GNG7: variants seen among roughly 807,000 people sequenced by gnomAD.
GNG7 encodes the protein G protein subunit gamma 7.
GNG7 carries 1 observed loss-of-function variant against 4.0 expected under a neutral mutation model. The ratio of observed to expected loss-of-function variants is 0.25; its 90% CI spans 0.09 to 1.18. GNG7 has a LOEUF of 1.18. Ranked by LOEUF, GNG7 falls within the 50% of genes most tolerant of loss-of-function variation. The pLI, the probability that GNG7 is intolerant of heterozygous loss-of-function variation, is 0.50. For missense variants in GNG7, 86 were observed against 91.9 expected (o/e 0.94, Z 0.26); for synonymous variants, 34 against 36.9 (o/e 0.92, Z 0.29).
Position 2,514,189 on chromosome 19 carries a change from CTCCATCTCAAAAA to C in GNG7, c.*820_*832del, listed in dbSNP as rs1972694464. 1 of 145,378 alleles carries C rather than the reference CTCCATCTCAAAAA, an allele frequency of 6.9e-6. No homozygotes were observed. The highest frequency in any genetic ancestry group is 2.6e-5 in the African/African-American group (1 of 38,928). 9.0% of individuals were successfully genotyped at this position (145,378 alleles called of 1,614,324 possible). On this transcript the variant is annotated 3_prime_UTR_variant, in exon 5 of 5. Transcript: ENST00000382159. ...TCCAGCCTGGGTAACAAGAATGAAA[CTCCATCTCAAAAA>C]AAGAAAAAAAAAAAAAATCCAAAAA...
intron 2 of GNG7, among the ~76,000 whole-genome samples, chr19:2,575,769 A>T (rs1980306240): frequency 7.7e-6 from 1 of 129,500 alleles, no homozygotes; most frequent in African/African-American, 3.3e-5. Flanking sequence ...ACGCAGGCAC[A>T]CGCAGGCACA....
At chr19:2,631,582 T>A (rs1568268089) in intron 2 of GNG7, among the ~76,000 whole-genome samples, 2 of 152,186 alleles carry the variant, frequency 1.3e-5, no homozygotes, top group Admixed American at 6.5e-5. Context: ...ACCTGCAGTA[T>A]GTCTGTGGCT....
intron 3 of GNG7, among the ~76,000 whole-genome samples, chr19:2,547,786 G>C (rs140595146): frequency 2.0e-5 from 3 of 152,218 alleles, no homozygotes; most frequent in Non-Finnish European, 2.9e-5. Context: ...TCCCAGGGCC[G>C]ATCTCCTTCC....
At chr19:2,552,973 A>G (rs1053671833) in intron 3 of GNG7, among the ~76,000 whole-genome samples, 26 of 151,580 alleles carry the variant, frequency 1.7e-4, no homozygotes, top group Non-Finnish European at 3.7e-4. Flanking sequence ...GGCAGCCCCA[A>G]GCCAGCAGGA....
chr19:2,653,862 G>A lies in GNG7; in HGVS notation c.-134-7582C>T, dbSNP rs972031049. 1.3e-5 allele frequency among the ~76,000 whole-genome samples: 2 copies of A among 152,154 alleles called. No individual in the cohort carries two copies. The highest frequency in any genetic ancestry group is 2.1e-4 in the South Asian group (1 of 4,820). On this transcript the variant is annotated intron_variant, in intron 1 of 4. Transcript: ENST00000382159. This position sits in a 1 kb window ranked among gnomAD's most constrained non-coding sequence, Gnocchi z 4.8. ...ACAGTCCCCTTGGCACCACCCAGGCGCTGTCCCTGGCCTCGCCCATGGCTA... is the reference window on the plus strand; with the variant it reads ...ACAGTCCCCTTGGCACCACCCAGGCACTGTCCCTGGCCTCGCCCATGGCTA...
At chr19:2,597,529 G>A (rs1380452561) in intron 2 of GNG7, among the ~76,000 whole-genome samples, 4 of 146,862 alleles carry the variant, frequency 2.7e-5, no homozygotes, top group South Asian at 2.2e-4. Flanking sequence ...CCCAGGAGGT[G>A]GAGGTTGCAG....
At chr19:2,517,521 C>G (rs190196325) in intron 4 of GNG7, among the ~76,000 whole-genome samples, 1 of 152,036 alleles carries the variant, frequency 6.6e-6, no homozygotes, top group Non-Finnish European at 1.5e-5. Flanking sequence ...CACGCCACCA[C>G]GCCAGGGTAA....
intron 2 of GNG7, among the ~76,000 whole-genome samples, chr19:2,560,004 G>A (rs1328636530): frequency 6.6e-6 from 1 of 152,058 alleles, no homozygotes; most frequent in African/African-American, 2.4e-5. Flanking sequence ...GCACAAAAAC[G>A]CAAACCCCGA....
chr19:2,604,816 C>T (rs565574582), intron 2 of GNG7, among the ~76,000 whole-genome samples: 29 of 152,146 alleles, frequency 1.9e-4, no homozygotes, highest in African/African-American at 6.3e-4. Flanking sequence ...AGGGCAGTGG[C>T]GAGAAGGAAA....
intron 1 of GNG7, among the ~76,000 whole-genome samples, chr19:2,652,991 G>T (rs1401372378): frequency 6.6e-6 from 1 of 151,808 alleles, no homozygotes; most frequent in African/African-American, 2.4e-5. Context: ...GCTGGGCATG[G>T]TGGCTCCAGG....
chr19:2,546,273 GACCCTGCACCCAGCGTGGGCACCC>G lies in GNG7; in HGVS notation c.-38+8852_-38+8875del. On this transcript the variant is annotated intron_variant, in intron 3 of 4. Coordinates refer to ENST00000382159, the MANE Select transcript of GNG7 (RefSeq NM_052847.3). The surrounding 1 kb of genome is among the most constrained non-coding windows in gnomAD (Gnocchi z 6.3). ...TCAGCAACCAGGGTCTGCATGCAGAGACCCTGCACCCAGCGTGGGCACCCACCCTGCACCTGCAGCCTCTCCAGG... is the reference window on the plus strand; with the variant it reads ...TCAGCAACCAGGGTCTGCATGCAGAGACCCTGCACCTGCAGCCTCTCCAGG... Among the ~76,000 whole-genome samples, 1 of 152,352 alleles carries G rather than the reference GACCCTGCACCCAGCGTGGGCACCC, an allele frequency of 6.6e-6. No homozygotes were observed. The highest frequency in any genetic ancestry group is 1.9e-4 in the East Asian group (1 of 5,182).
chr19:2,673,165 G>A (rs1199236721), intron 1 of GNG7, among the ~76,000 whole-genome samples: 3 of 151,456 alleles, frequency 2.0e-5, no homozygotes, highest in Non-Finnish European at 4.4e-5. Context: ...GGTGAGCCAG[G>A]AGAATGGCCG....
In GNG7 at chr19:2,602,996, TTTC is replaced by T. The variant is rs139069922; in HGVS notation, c.-78+43225_-78+43227del. Among the ~76,000 whole-genome samples, 42 of 151,644 alleles carry T rather than the reference TTTC, an allele frequency of 2.8e-4. No homozygotes were observed. The East Asian group carries it at 6.4e-3, about 23-fold the overall frequency. On this transcript the variant is annotated intron_variant, in intron 2 of 4. Coordinates refer to ENST00000382159, the MANE Select transcript of GNG7 (RefSeq NM_052847.3). ...TTTCTCTCTCTCTTTCCTTCCTTCC[TTTC>T]TTTTCTTTCTCCCTTTCCTTTCCCC...
At chr19:2,660,355 G>A (rs967688096) in intron 1 of GNG7, among the ~76,000 whole-genome samples, 3 of 152,186 alleles carry the variant, frequency 2.0e-5, no homozygotes, top group Non-Finnish European at 4.4e-5. Context: ...TTGAAGGGTT[G>A]ATGCTGTGGG....
chr19:2,557,296 G>A lies in GNG7; in HGVS notation c.-77-2108C>T, dbSNP rs907382608. Among the ~76,000 whole-genome samples the A allele has an allele frequency of 2.0e-5, 3 of 147,118 alleles. No homozygotes were observed. The highest frequency in any genetic ancestry group is 7.6e-5 in the African/African-American group (3 of 39,256). On this transcript the variant is annotated intron_variant, in intron 2 of 4. Transcript: ENST00000382159. This position sits in a 1 kb window ranked among gnomAD's most constrained non-coding sequence, Gnocchi z 5.1. ...ACACACAGACACGTGCACACACAGA[G>A]GTGCACATACACGCACAGACACACA...
chr19:2,636,833 G>A (rs2144848960), intron 2 of GNG7, among the ~76,000 whole-genome samples: 1 of 152,170 alleles, frequency 6.6e-6, no homozygotes, highest in Middle Eastern at 3.4e-3. Flanking sequence ...GGGCTCGGGG[G>A]TGACTGAAGA....
At chr19:2,700,322 T>C (rs547219863) in intron 1 of GNG7, among the ~76,000 whole-genome samples, 79 of 152,196 alleles carry the variant, frequency 5.2e-4, no homozygotes, top group Non-Finnish European at 4.7e-4. Context: ...TTGATATTTT[T>C]AGTAGAGACA....
Position 2,514,755 on chromosome 19 carries a change from C to T in GNG7, c.*267G>A, listed in dbSNP as rs148360397. On this transcript the variant is annotated 3_prime_UTR_variant, in exon 5 of 5. Transcript: ENST00000382159. ...CGAACGGGAAGTGGCCGTAAAGCCT[C>T]CATCCCTTTTGGCCCAAACTGAGAG... The T allele has an allele frequency of 8.1e-3, 2,407 of 296,662 alleles. 25 individuals carry two copies. Among genetic ancestry groups the T allele is most frequent in the Non-Finnish European group, 0.011 (1,728 of 157,336 alleles). The allele number at this position is 296,662 out of a possible 1,614,324, so 18.4% of individuals were successfully genotyped here.
intron 3 of GNG7, among the ~76,000 whole-genome samples, chr19:2,540,353 T>C (rs1978917969): frequency 6.6e-6 from 1 of 150,414 alleles, no homozygotes; most frequent in South Asian, 2.1e-4. Context: ...GGTCTCACTA[T>C]GTTGTCCAGG....
Sources: allele counts gnomAD v4.1 joint callset (sites outside exome capture counted in the v4.1 genomes callset), GRCh38; gene constraint gnomAD v4.1.1; non-coding constraint Gnocchi (gnomAD v3.1); transcripts MANE v1.5; gene names NCBI Gene and HGNC (gene_info 2026-07-23, HGNC 2026-07-21).